The following MROH1 variants were observed in gnomAD, a reference collection of about 807,000 sequenced individuals.
MROH1 encodes the protein maestro heat-like repeat-containing protein family member 1.
In MROH1, 117 loss-of-function variants were observed where a neutral mutation model predicts 116.5. The ratio of observed to expected loss-of-function variants is 1.00; its 90% CI spans 0.86 to 1.17. MROH1 has a LOEUF of 1.17. Ranked by LOEUF, MROH1 falls within the 50% of genes most tolerant of loss-of-function variation. The probability of loss-of-function intolerance (pLI) is 0.00; values close to 1 mark genes in which losing one functional copy is unlikely to be tolerated. For missense variants in MROH1, 1,873 were observed against 1,338.5 expected (o/e 1.40, Z -6.23); for synonymous variants, 921 against 583.9 (o/e 1.58, Z -8.32).
In MROH1 at chr8:144,239,172, C is replaced by T. The variant is rs990021681; in HGVS notation, c.1584C>T (p.Asp528=). 1.3e-4 allele frequency: 101 copies of T among 763,912 alleles called. No homozygotes were observed. Among genetic ancestry groups the T allele is most frequent in the Non-Finnish European group, 2.2e-4 (91 of 415,760 alleles). 47.3% of individuals were successfully genotyped at this position (763,912 alleles called of 1,614,324 possible). A position where few individuals can be genotyped will look rare whatever the true frequency, so the allele number is the denominator to read the frequency against. Reference sequence around the variant, plus strand: ...CCGACGCCTTCCTCATCCAGTACGACGCCCATGGTGCGTGCCGCGCCGTAC... The same window carrying T: ...CCGACGCCTTCCTCATCCAGTACGATGCCCATGGTGCGTGCCGCGCCGTAC... ...AGADAFLIQY[D]AHASLPSPYA... Residue 528 remains aspartate (D), a synonymous_variant, in exon 16 of 44, where the codon GAC becomes GAT. Transcript: ENST00000326134.
intron 7 of MROH1, among the ~76,000 whole-genome samples, chr8:144,185,773 AGTGCGGGGACC>A (rs1187602808): frequency 2.7e-5 from 1 of 36,910 alleles, no homozygotes; most frequent in African/African-American, 1.3e-4. Context: ...CGTGAGGGGC[AGTGCGGGGACC>A]GTGGGGGGAG....
At chr8:144,241,300 A>G in intron 21 of MROH1, 95 bp from the exon 22 acceptor site, 1 of 706,180 alleles carries the variant, frequency 1.4e-6, no homozygotes, top group Middle Eastern at 3.7e-4. Flanking sequence ...GCATGTGTGT[A>G]CATGTGGGTG....
In MROH1 at chr8:144,244,202, G is replaced by C. The variant is rs1165454300; in HGVS notation, c.2556-20G>C. 1.4e-6 allele frequency: 1 copy of C among 716,480 alleles called. No individual in the cohort carries two copies. The highest frequency in any genetic ancestry group is 1.7e-5 in the African/African-American group (1 of 57,336). The allele number at this position is 716,480 out of a possible 1,614,324, so 44.4% of individuals were successfully genotyped here. A position where few individuals can be genotyped will look rare whatever the true frequency, so the allele number is the denominator to read the frequency against. Reference sequence around the variant, plus strand: ...TTCAGCCTTAGGATCATTGTCTGGGGCCCTTAACTTGCCTCTCAGCTCCGT... The same window carrying C: ...TTCAGCCTTAGGATCATTGTCTGGGCCCCTTAACTTGCCTCTCAGCTCCGT... On this transcript the variant is annotated intron_variant, in intron 26 of 43. Coordinates refer to ENST00000326134, the MANE Select transcript of MROH1 (RefSeq NM_032450.3).
At chr8:144,207,752 AAT>A (rs1375528027) in intron 12 of MROH1, among the ~76,000 whole-genome samples, 1 of 152,128 alleles carries the variant, frequency 6.6e-6, no homozygotes, top group Admixed American at 6.6e-5. Flanking sequence ...TAGAGACATA[AAT>A]ATATGTTTTT....
Position 144,254,913 on chromosome 8 carries a change from A to G in MROH1, c.3529A>G (p.Lys1177Glu). The G allele has an allele frequency of 1.3e-6, 1 of 777,246 alleles. No individual in the cohort carries two copies. Among genetic ancestry groups the G allele is most frequent in the East Asian group, 2.4e-5 (1 of 41,144 alleles). 48.1% of individuals were successfully genotyped at this position (777,246 alleles called of 1,614,324 possible). ...GAAGATGAGTAGGGACGTCCCTTTC[A>G]AGGAGAGCCGGGCCTTCCTGCTGGG... ...LEKMSRDVPF[K>E]ESRAFLLGRT... The change falls in exon 34 of 44, where the codon AAG (lysine) becomes GAG (glutamate). Residue 1177 changes from lysine to glutamate, a missense_variant. Physicochemically the swap from Lys to Glu is moderately conservative, Grantham distance 56. Transcript: ENST00000326134.
At chr8:144,165,794 G>C (rs1820691108) in intron 3 of MROH1, among the ~76,000 whole-genome samples, 1 of 149,400 alleles carries the variant, frequency 6.7e-6, no homozygotes, top group Admixed American at 6.7e-5. Flanking sequence ...TGTTGGCCAG[G>C]CTGGTCTCAA....
chr8:144,186,862 G>A (rs1316788955), intron 7 of MROH1, among the ~76,000 whole-genome samples: 1 of 152,192 alleles, frequency 6.6e-6, no homozygotes, highest in East Asian at 1.9e-4. Flanking sequence ...GGAGGCTGAG[G>A]CAGGCGGATT....
intron 1 of MROH1, among the ~76,000 whole-genome samples, chr8:144,150,756 A>C (rs1253655654): frequency 1.3e-5 from 2 of 152,196 alleles, no homozygotes; most frequent in African/African-American, 4.8e-5. Context: ...CCACTGATGC[A>C]GGAGGGCTGG....
At chr8:144,242,682 T>C in intron 24 of MROH1, 54 bp downstream of exon 24, 1 of 760,796 alleles carries the variant, frequency 1.3e-6, no homozygotes, top group Non-Finnish European at 2.4e-6. Flanking sequence ...TCGGCTCTCC[T>C]CTGGGCGGGT....
Position 144,200,408 on chromosome 8 carries a change from C to T in MROH1, c.1028-20C>T, listed in dbSNP as rs1211365406. On this transcript the variant is annotated intron_variant, in intron 11 of 43. Coordinates refer to ENST00000326134, the MANE Select transcript of MROH1 (RefSeq NM_032450.3). ...TGAACAAGATGACATGGAGCCTAAT[C>T]TGTACCCGTTGCCCTGTAGCCTGCA... The T allele has an allele frequency of 6.5e-6, 10 of 1,532,818 alleles. No individual in the cohort carries two copies. Among genetic ancestry groups the T allele is most frequent in the African/African-American group, 5.5e-5 (4 of 72,776 alleles). 95.0% of individuals were successfully genotyped at this position (1,532,818 alleles called of 1,614,324 possible). A position where few individuals can be genotyped will look rare whatever the true frequency, so the allele number is the denominator to read the frequency against.
At chr8:144,174,700 C>T (rs1433247631) in intron 4 of MROH1, 4 of 269,234 alleles carry the variant, frequency 1.5e-5, no homozygotes, top group Admixed American at 1.3e-4. Flanking sequence ...CCAGGCTGGT[C>T]TTGAACTCCT....
At chr8:144,218,103 C>T (rs1203942106) in intron 12 of MROH1, among the ~76,000 whole-genome samples, 1 of 152,160 alleles carries the variant, frequency 6.6e-6, no homozygotes, top group Non-Finnish European at 1.5e-5. Flanking sequence ...TGTGTCTTGC[C>T]CCATGGCTTG....
In MROH1 at chr8:144,191,696, G is replaced by T; in HGVS notation, c.715-19G>T. ...GTTGACTGAGCAGCGTAAGCTTCCC[G>T]CCCACTGTCCCCTCTCAGCTCCGTC... On this transcript the variant is annotated intron_variant, in intron 8 of 43. Transcript: ENST00000326134. 1.9e-6 allele frequency: 3 copies of T among 1,610,944 alleles called. No homozygotes were observed. The highest frequency in any genetic ancestry group is 2.5e-6 in the Non-Finnish European group (3 of 1,179,338).
chr8:144,259,804 G>T, intron 37 of MROH1, 107 bp from the exon 38 acceptor site: 1 of 701,962 alleles, frequency 1.4e-6, no homozygotes, highest in Non-Finnish European at 2.6e-6. Flanking sequence ...CTCCACCTCT[G>T]TCTGCCACAC....
At chr8:144,256,680 G>A (rs968945203) in intron 35 of MROH1, among the ~76,000 whole-genome samples, 156 of 152,346 alleles carry the variant, frequency 1.0e-3, no homozygotes, top group Middle Eastern at 3.4e-3. Flanking sequence ...TCACTGGGAC[G>A]ATTGCAGAGC....
chr8:144,259,334 A>G lies in MROH1; in HGVS notation c.4024A>G (p.Thr1342Ala). 1 of 715,132 alleles carries G rather than the reference A, an allele frequency of 1.4e-6. No homozygotes were observed. Among genetic ancestry groups the G allele is most frequent in the Non-Finnish European group, 2.6e-6 (1 of 384,872 alleles). The allele number at this position is 715,132 out of a possible 1,614,324, so 44.3% of individuals were successfully genotyped here. ...TGCGTATGAGAACCAGAGGGTGACC[A>G]CCACCGCCTTCCTGGCCGAGGTAGG... ...SSAYENQRVT[T>A]TAFLAELLNS... The change falls in exon 37 of 44, where the codon ACC becomes GCC. Residue 1342 changes from threonine (T) to alanine (A), a missense_variant. Physicochemically the swap from Thr to Ala is moderately conservative, Grantham distance 58. Coordinates refer to ENST00000326134, the MANE Select transcript of MROH1 (RefSeq NM_032450.3).
At chr8:144,246,461 G>A (rs1235289996) in intron 29 of MROH1, among the ~76,000 whole-genome samples, 2 of 152,082 alleles carry the variant, frequency 1.3e-5, no homozygotes, top group African/African-American at 2.4e-5. Context: ...GTCAAATCTC[G>A]TGTGTTCAGG....
chr8:144,204,252 G>A (rs527659238), intron 12 of MROH1, among the ~76,000 whole-genome samples: 4 of 152,186 alleles, frequency 2.6e-5, no homozygotes, highest in East Asian at 1.9e-4. Context: ...CTGGGACTGC[G>A]GGTGTGCACC....
Position 144,240,646 on chromosome 8 carries a change from T to G in MROH1, c.1904T>G (p.Leu635Arg). 2.8e-6 allele frequency: 2 copies of G among 717,458 alleles called. No homozygotes were observed. Among genetic ancestry groups the G allele is most frequent in the South Asian group, 3.0e-5 (2 of 67,562 alleles). 44.4% of individuals were successfully genotyped at this position (717,458 alleles called of 1,614,324 possible). The part of the protein sequence containing the change: ...CQLSLELCRQ[L>R]PCYDEAPQEK... ...CTGAGCCTGGAGCTGTGCAGGCAGC[T>G]GCCCTGCTACGATGAGGCACCCCAG... Residue 635 changes from leucine (L) to arginine (R), a missense_variant, in exon 20 of 44, where the codon CTG becomes CGG. Leu to Arg is a moderately radical substitution (Grantham distance 102). Coordinates refer to ENST00000326134, the MANE Select transcript of MROH1 (RefSeq NM_032450.3).
Sources: gnomAD v4.1 joint callset for allele counts (sites outside exome capture counted in the v4.1 genomes callset) on GRCh38, gnomAD v4.1.1 for gene constraint, MANE v1.5 for transcripts, NCBI Gene and HGNC (gene_info 2026-07-23, HGNC 2026-07-21) for gene names.